JCAD: variants seen among roughly 807,000 people sequenced by gnomAD.
JCAD encodes the protein junctional cadherin 5-associated protein.
A neutral mutation model predicts 98.0 loss-of-function variants in JCAD; 40 were observed. That is an observed-to-expected ratio of 0.41 (90% confidence interval 0.32 to 0.53). JCAD has a LOEUF of 0.53. JCAD is among the 20% of genes least tolerant of loss of function. The pLI is 0.31. For synonymous variants in JCAD, 691 were observed against 682.3 expected (o/e 1.01, Z -0.20); for missense variants, 1,705 against 1,738.1 (o/e 0.98, Z 0.34).
intron 1 of JCAD, among the ~76,000 whole-genome samples, chr10:30,091,377 A>G (rs1838260907): frequency 6.6e-6 from 1 of 152,170 alleles, no homozygotes; most frequent in African/African-American, 2.4e-5. Context: ...AAGATGTGAA[A>G]ACATAACTTT....
rs554105919 is a variant in JCAD, at chr10:30,067,500, G to C, written n.250+2200C>G. Among the ~76,000 whole-genome samples the C allele has an allele frequency of 2.6e-5, 4 of 152,152 alleles. No individual in the cohort carries two copies. The South Asian group carries it at 8.3e-4, about 32-fold the overall frequency. On this transcript the variant is annotated intron_variant and non_coding_transcript_variant, in intron 2 of 2. Transcript: ENST00000465712. ...TGCCACCATGCCCAGCTAATTTTTT[G>C]TATTTTTAGTAGAGACAGGGCTTCA...
At position 30,028,579 on chromosome 10, in the gene JCAD, C is replaced by G. The variant is rs748437887; in HGVS notation, c.1569G>C (p.Arg523Ser). ...TGCCTCTCACATCAGGCCACTGTCC[C>G]CTTGCCACACAGCGGTCTCTCTGGT... The part of the protein sequence containing the change: ...LPNQRDRCVA[R>S]GQWPDVRGSQ... The change falls in exon 3 of 4, where the codon AGG becomes AGC. Residue 523 changes from arginine to serine, a missense_variant. Physicochemically the swap from Arg to Ser is moderately radical, Grantham distance 110. Coordinates refer to ENST00000375377, the MANE Select transcript of JCAD (RefSeq NM_020848.4). 8 of 1,614,176 alleles carry G rather than the reference C, an allele frequency of 5.0e-6. No homozygotes were observed. Among genetic ancestry groups the G allele is most frequent in the East Asian group, 2.2e-5 (1 of 44,872 alleles).
intron 1 of JCAD, among the ~76,000 whole-genome samples, chr10:30,101,722 G>C (rs1386438294): frequency 1.3e-5 from 2 of 151,902 alleles, no homozygotes; most frequent in East Asian, 1.9e-4. Flanking sequence ...CAGGTGGTTG[G>C]GGGGCTTGGA....
At chr10:30,091,177 GA>G (rs1379473845) in intron 1 of JCAD, among the ~76,000 whole-genome samples, 3 of 152,138 alleles carry the variant, frequency 2.0e-5, no homozygotes, top group Non-Finnish European at 4.4e-5. Flanking sequence ...ACAGAGCTAA[GA>G]AAAAATTTTT....
Position 30,028,928 on chromosome 10 carries a change from AGCCCCTGAG to A in JCAD, c.1211_1219del (p.Pro404_Gly406del), listed in dbSNP as rs775808126. The stretch of plus-strand genomic sequence containing the variant: ...AGTGACAGGTCGGGGATGTGCGGGG[AGCCCCTGAG>A]GCAAGCGGGGGCTCACACCATACTC... On this transcript the variant is annotated inframe_deletion, in exon 3 of 4. Coordinates refer to ENST00000375377, the MANE Select transcript of JCAD (RefSeq NM_020848.4). 10 of 1,614,068 alleles carry A rather than the reference AGCCCCTGAG, an allele frequency of 6.2e-6. No homozygotes were observed. The highest frequency in any genetic ancestry group is 8.5e-6 in the Non-Finnish European group (10 of 1,180,016).
chr10:30,111,567 A>G (rs75500671), intron 1 of JCAD, among the ~76,000 whole-genome samples: 4,122 of 152,346 alleles, frequency 0.027, 102 homozygotes, highest in Non-Finnish European at 0.037. Context: ...GATACGTTAC[A>G]TTTTATTTAT....
chr10:30,038,826 A>G (rs1317613642), intron 2 of JCAD, among the ~76,000 whole-genome samples: 1 of 152,160 alleles, frequency 6.6e-6, no homozygotes, highest in Non-Finnish European at 1.5e-5. Context: ...GAAGGAAAAC[A>G]ATAACCTGGA....
chr10:30,073,685 C>CTTG (rs1837934183), intron 1 of JCAD, among the ~76,000 whole-genome samples: 1 of 34,662 alleles, frequency 2.9e-5, no homozygotes, highest in African/African-American at 6.2e-5. Context: ...TTCCTTGCTT[C>CTTG]CTTCCTTCCT....
chr10:30,058,195 CA>C (rs577716492), intron 1 of JCAD, among the ~76,000 whole-genome samples: 155 of 152,280 alleles, frequency 1.0e-3, no homozygotes, highest in African/African-American at 3.4e-3. Flanking sequence ...TCTGAAAAGA[CA>C]AAAGACCGGA....
rs183844720 is a variant in JCAD at position 30,103,982 on chromosome 10, A to C, written n.128+11385T>G. On this transcript the variant is annotated intron_variant and non_coding_transcript_variant, in intron 1 of 2. Transcript: ENST00000465712. ...TGGTAAGTGCTATGGCAAAGGCACA[A>C]AGAAAGTATCATGGGGATACACCAA... 8.9e-4 allele frequency among the ~76,000 whole-genome samples: 135 copies of C among 152,354 alleles called. 1 individual carries two copies. The highest frequency in any genetic ancestry group is 3.0e-3 in the African/African-American group (123 of 41,584).
intron 1 of JCAD, among the ~76,000 whole-genome samples, chr10:30,113,598 G>A (rs1210958449): frequency 7.4e-6 from 1 of 135,154 alleles, no homozygotes; most frequent in Admixed American, 7.8e-5. Flanking sequence ...AGAGAAGAAG[G>A]AAGCACAAAA....
chr10:30,107,564 T>C (rs1040700113), intron 1 of JCAD, among the ~76,000 whole-genome samples: 1 of 152,160 alleles, frequency 6.6e-6, no homozygotes, highest in African/African-American at 2.4e-5. Flanking sequence ...AATCAAGAGG[T>C]AACGATAAGT....
intron 2 of JCAD, among the ~76,000 whole-genome samples, chr10:30,032,928 C>T (rs1026575484): frequency 1.3e-5 from 2 of 152,240 alleles, no homozygotes; most frequent in African/African-American, 4.8e-5. Flanking sequence ...GTCAATACCA[C>T]TCTACAGAGG....
chr10:30,044,062 G>A (rs112254453), intron 2 of JCAD, among the ~76,000 whole-genome samples: 3,816 of 152,256 alleles, frequency 0.025, 175 homozygotes, highest in African/African-American at 0.088. Flanking sequence ...GATGAGTTCA[G>A]CCCTCTCTTG....
chr10:30,114,008 C>A (rs997839520), intron 1 of JCAD, among the ~76,000 whole-genome samples: 1 of 152,156 alleles, frequency 6.6e-6, no homozygotes, highest in African/African-American at 2.4e-5. Context: ...ATTGTGTCTA[C>A]GACTCGTCAG....
chr10:30,074,651 G>A (rs1483118394), intron 1 of JCAD, among the ~76,000 whole-genome samples: 1 of 152,216 alleles, frequency 6.6e-6, no homozygotes, highest in Non-Finnish European at 1.5e-5. Context: ...TGGAAGACGT[G>A]GTTACACTCC....
intron 1 of JCAD, among the ~76,000 whole-genome samples, chr10:30,109,407 C>G (rs1421206834): frequency 6.6e-6 from 1 of 152,160 alleles, no homozygotes; most frequent in African/African-American, 2.4e-5. Context: ...CACCATTTCC[C>G]CAGACTTCCA....
At chr10:30,078,752 G>A (rs945607082) in intron 1 of JCAD, among the ~76,000 whole-genome samples, 1 of 152,194 alleles carries the variant, frequency 6.6e-6, no homozygotes, top group Non-Finnish European at 1.5e-5. Flanking sequence ...ATGTATCTGA[G>A]CTGCAGCAGG....
intron 2 of JCAD, among the ~76,000 whole-genome samples, chr10:30,044,346 G>A (rs1247607411): frequency 1.3e-5 from 2 of 152,188 alleles, no homozygotes; most frequent in Non-Finnish European, 2.9e-5. Flanking sequence ...CCTTCCAAAT[G>A]ACCTTGATCT....
Sources: allele counts gnomAD v4.1 joint callset (sites outside exome capture counted in the v4.1 genomes callset), GRCh38; gene constraint gnomAD v4.1.1; transcripts MANE v1.5; gene names NCBI Gene and HGNC (gene_info 2026-07-23, HGNC 2026-07-21).